JMY: variants seen among roughly 807,000 people sequenced by gnomAD.
The protein encoded by JMY is junction-mediating and -regulatory protein.
In JMY, 46 loss-of-function variants were observed where a neutral mutation model predicts 103.3. That is an observed-to-expected ratio of 0.45 (90% confidence interval 0.35 to 0.57). The LOEUF (loss-of-function observed/expected upper bound fraction) is 0.57, where lower values mean the gene tolerates loss of function less well. JMY is among the 20% of genes least tolerant of loss of function. The probability of loss-of-function intolerance (pLI) is 0.00; values close to 1 mark genes in which losing one functional copy is unlikely to be tolerated. For synonymous variants in JMY, 526 were observed against 489.3 expected (o/e 1.07, Z -0.99); for missense variants, 1,238 against 1,255.2 (o/e 0.99, Z 0.21).
chr5:79,269,612 G>A (rs545852025), intron 1 of JMY, among the ~76,000 whole-genome samples: 1 of 152,048 alleles, frequency 6.6e-6, no homozygotes, highest in Non-Finnish European at 1.5e-5. Context: ...CTTTGTCAGA[G>A]TTTTATAGCT....
At chr5:79,315,791 C>A in intron 9 of JMY, among the ~76,000 whole-genome samples, 1 of 152,172 alleles carries the variant, frequency 6.6e-6, no homozygotes, top group South Asian at 2.1e-4. Flanking sequence ...ACAGTACCCA[C>A]CATGGATTGG....
chr5:79,236,835 C>A lies in JMY; in HGVS notation c.185C>A (p.Ala62Glu). 6.9e-7 allele frequency: 1 copy of A among 1,455,714 alleles called. No individual in the cohort carries two copies. The highest frequency in any genetic ancestry group is 1.4e-5 in the South Asian group (1 of 70,576). 90.2% of individuals were successfully genotyped at this position (1,455,714 alleles called of 1,614,324 possible). A position where few individuals can be genotyped will look rare whatever the true frequency, so the allele number is the denominator to read the frequency against. ...QRQRSGSREQ[A>E]GARGGAEAGG... ...CAGAGGAGCGGCTCCCGGGAGCAAG[C>A]GGGGGCGCGAGGGGGCGCCGAGGCC... Residue 62 changes from alanine (A) to glutamate (E), a missense_variant, in exon 1 of 11, where the codon GCG becomes GAG. By Grantham distance (107) the Ala-to-Glu change is moderately radical. Coordinates refer to ENST00000396137, the MANE Select transcript of JMY (RefSeq NM_152405.5).
intron 1 of JMY, among the ~76,000 whole-genome samples, chr5:79,239,290 G>T (rs1369159452): frequency 6.6e-6 from 1 of 152,066 alleles, no homozygotes; most frequent in East Asian, 1.9e-4. Flanking sequence ...CTCACTTCGG[G>T]AGTCTACCTT....
chr5:79,251,964 T>C (rs1014682213), intron 1 of JMY, among the ~76,000 whole-genome samples: 2 of 151,910 alleles, frequency 1.3e-5, no homozygotes, highest in African/African-American at 4.8e-5. Flanking sequence ...TTAGTAGAGA[T>C]GGGGTTTCTC....
At chr5:79,284,474 A>G (rs2112092020) in intron 2 of JMY, 3 of 1,586,768 alleles carry the variant, frequency 1.9e-6, no homozygotes, top group South Asian at 1.1e-5. Flanking sequence ...GGTCTTCTGT[A>G]TCTGATTGTT....
chr5:79,242,583 TA>T (rs1744773784), intron 1 of JMY, among the ~76,000 whole-genome samples: 1 of 152,284 alleles, frequency 6.6e-6, no homozygotes, highest in East Asian at 1.9e-4. Flanking sequence ...TCACCAAGGC[TA>T]AACAGCTGAG....
chr5:79,246,467 T>C (rs10474578), intron 1 of JMY, among the ~76,000 whole-genome samples: 71,310 of 152,008 alleles, frequency 0.47, 17,341 homozygotes, highest in African/African-American at 0.61. Context: ...AGGATGCAAG[T>C]GAGTTTGAGA....
intron 4 of JMY, among the ~76,000 whole-genome samples, chr5:79,296,147 A>G (rs1024389813): frequency 6.6e-6 from 1 of 152,224 alleles, no homozygotes; most frequent in East Asian, 1.9e-4. Flanking sequence ...TTATTAGTCC[A>G]CTAATGAAAC....
chr5:79,263,505 A>G (rs1389195053), intron 1 of JMY, among the ~76,000 whole-genome samples: 1 of 151,804 alleles, frequency 6.6e-6, no homozygotes, highest in African/African-American at 2.4e-5. Flanking sequence ...GTGATCCTGC[A>G]GCCTCAACTT....
chr5:79,244,727 T>C (rs565625387), intron 1 of JMY, among the ~76,000 whole-genome samples: 1 of 152,116 alleles, frequency 6.6e-6, no homozygotes, highest in East Asian at 1.9e-4. Context: ...CAGGACCTGC[T>C]TCCTCTGAAT....
intron 1 of JMY, among the ~76,000 whole-genome samples, chr5:79,261,306 A>T (rs1239006885): frequency 6.6e-6 from 1 of 152,150 alleles, no homozygotes; most frequent in African/African-American, 2.4e-5. Context: ...CCTGCCCACC[A>T]GACAAATGCA....
At chr5:79,275,843 T>G (rs1745922567) in intron 1 of JMY, among the ~76,000 whole-genome samples, 1 of 152,250 alleles carries the variant, frequency 6.6e-6, no homozygotes, top group African/African-American at 2.4e-5. Context: ...TTTATCATGA[T>G]TGTTAATAAT....
intron 6 of JMY, among the ~76,000 whole-genome samples, chr5:79,302,991 A>AC (rs1303794259): frequency 6.6e-6 from 1 of 152,132 alleles, no homozygotes; most frequent in Non-Finnish European, 1.5e-5. Flanking sequence ...TTCTCTATCA[A>AC]CCCTCTGGTT....
Position 79,270,496 on chromosome 5 carries a change from A to ATTTAAAG in JMY, c.1033-7413_1033-7412insTTAAAGT, listed in dbSNP as rs1561297756. On this transcript the variant is annotated intron_variant, in intron 1 of 10. Coordinates refer to ENST00000396137, the MANE Select transcript of JMY (RefSeq NM_152405.5). ...ATATTTACATAAATATTTACATAAA[A>ATTTAAAG]TATATATTTACATAAATATTTAAAA... Among the ~76,000 whole-genome samples, 21 of 93,798 alleles carry ATTTAAAG rather than the reference A, an allele frequency of 2.2e-4. 1 individual carries two copies. Among genetic ancestry groups the ATTTAAAG allele is most frequent in the South Asian group, 3.3e-4 (1 of 3,032 alleles). 61.5% of individuals were successfully genotyped at this position (93,798 alleles called of 152,430 possible).
At chr5:79,305,109 C>T (rs147676213) in intron 6 of JMY, among the ~76,000 whole-genome samples, 3 of 152,254 alleles carry the variant, frequency 2.0e-5, no homozygotes, top group South Asian at 2.1e-4. Context: ...TTTAAAATAA[C>T]AGTTTACTGA....
chr5:79,244,958 G>C (rs1166216634), intron 1 of JMY, among the ~76,000 whole-genome samples: 1 of 152,004 alleles, frequency 6.6e-6, no homozygotes, highest in Non-Finnish European at 1.5e-5. Flanking sequence ...TAGGGGCAGA[G>C]AAGAATTTAT....
At chr5:79,255,224 G>A (rs149879950) in intron 1 of JMY, among the ~76,000 whole-genome samples, 4,895 of 150,122 alleles carry the variant, frequency 0.033, 92 homozygotes, top group South Asian at 0.062. Flanking sequence ...CGCCTCCTGA[G>A]TACCTGGGAT....
At chr5:79,239,816 AAAAAAGAAAAG>A (rs1394210344) in intron 1 of JMY, among the ~76,000 whole-genome samples, 39 of 151,096 alleles carry the variant, frequency 2.6e-4, no homozygotes, top group Admixed American at 2.1e-3. Flanking sequence ...TCTCAAAAAA[AAAAAAGAAAAG>A]AAAAAGAAAA....
intron 2 of JMY, among the ~76,000 whole-genome samples, chr5:79,289,684 A>G (rs921535985): frequency 2.0e-5 from 3 of 151,990 alleles, no homozygotes; most frequent in African/African-American, 7.3e-5. Flanking sequence ...CAGTATGCCT[A>G]TAGGCTGGTT....
Sources: gnomAD v4.1 joint callset for allele counts (sites outside exome capture counted in the v4.1 genomes callset) on GRCh38, gnomAD v4.1.1 for gene constraint, MANE v1.5 for transcripts, NCBI Gene and HGNC (gene_info 2026-07-23, HGNC 2026-07-21) for gene names.